CCDC3: variants seen among roughly 807,000 people sequenced by gnomAD.
CCDC3 encodes the protein coiled-coil domain-containing protein 3.
A neutral mutation model predicts 21.4 loss-of-function variants in CCDC3; 24 were observed. The ratio of observed to expected loss-of-function variants is 1.12; its 90% CI spans 0.81 to 1.58. The LOEUF (loss-of-function observed/expected upper bound fraction) is 1.58, where lower values mean the gene tolerates loss of function less well. CCDC3 is among the 40% of genes most tolerant of loss of function. The pLI, the probability that CCDC3 is intolerant of heterozygous loss-of-function variation, is 0.00. For synonymous variants in CCDC3, 186 were observed against 166.0 expected (o/e 1.12, Z -0.93); for missense variants, 425 against 360.9 (o/e 1.18, Z -1.44).
At chr10:13,024,014 T>C (rs907188600) in intron 5 of CCDC3, among the ~76,000 whole-genome samples, 5 of 152,174 alleles carry the variant, frequency 3.3e-5, no homozygotes, top group Admixed American at 2.0e-4. Flanking sequence ...TGTAGCTAGT[T>C]TACTGATGAT....
At chr10:13,098,709 G>GTTTTTTTTTTTTTT (rs1564348313) in intron 2 of CCDC3, 2 of 59,472 alleles carry the variant, frequency 3.4e-5, no homozygotes, top group Non-Finnish European at 6.0e-5. Flanking sequence ...TTCCTGCACT[G>GTTTTTTTTTTTTTT]ATTTTTTTTT....
chr10:13,089,703 T>G (rs1417856674), intron 3 of CCDC3, among the ~76,000 whole-genome samples: 2 of 151,986 alleles, frequency 1.3e-5, no homozygotes, highest in African/African-American at 4.8e-5. Flanking sequence ...TTTCCAAAGG[T>G]TATTGGGGAG....
intron 5 of CCDC3, among the ~76,000 whole-genome samples, chr10:13,043,010 G>A (rs1014785118): frequency 1.3e-5 from 2 of 151,678 alleles, no homozygotes; most frequent in African/African-American, 2.4e-5. Context: ...TACACAGAAA[G>A]GATATAACTT....
chr10:13,092,410 T>A (rs1294885423), intron 3 of CCDC3, among the ~76,000 whole-genome samples: 1 of 152,200 alleles, frequency 6.6e-6, no homozygotes, highest in Non-Finnish European at 1.5e-5. Context: ...CACTAACAGA[T>A]CTTCCTCTAG....
In CCDC3 at chr10:13,042,778, G is replaced by A. The variant is rs1000302976; in HGVS notation, c.-2+6896C>T. 7.3e-5 allele frequency among the ~76,000 whole-genome samples: 11 copies of A among 151,610 alleles called. No individual in the cohort carries two copies. The South Asian group carries it at 1.0e-3, about 14-fold the overall frequency. On this transcript the variant is annotated intron_variant, in intron 5 of 6. Coordinates refer to the CCDC3 transcript ENST00000378839. ...AAAAAAATTAGCCGGGTGTGGTGGC[G>A]GGCGCCTGTAGTCCCAGCTACCCGG...
At chr10:12,937,528 T>A (rs1400764163) in intron 2 of CCDC3, among the ~76,000 whole-genome samples, 1 of 152,120 alleles carries the variant, frequency 6.6e-6, no homozygotes, top group African/African-American at 2.4e-5. Flanking sequence ...AGGGGCGTGA[T>A]CATAGCTCAC....
chr10:12,955,424 T>C (rs1222662506), intron 2 of CCDC3, among the ~76,000 whole-genome samples: 1 of 152,204 alleles, frequency 6.6e-6, no homozygotes, highest in Non-Finnish European at 1.5e-5. Flanking sequence ...CTTAGGCAAA[T>C]TCAAGTCATT....
rs902913195 is a variant in CCDC3 at position 13,001,497 on chromosome 10, G to A, written c.74C>T (p.Pro25Leu). 3.0e-6 allele frequency: 4 copies of A among 1,340,996 alleles called. No individual in the cohort carries two copies. Among genetic ancestry groups the A allele is most frequent in the African/African-American group, 1.5e-5 (1 of 64,952 alleles). 83.1% of individuals were successfully genotyped at this position (1,340,996 alleles called of 1,614,324 possible). A position where few individuals can be genotyped will look rare whatever the true frequency, so the allele number is the denominator to read the frequency against. ...CTCGCTCAGGGGCCTCCACTCGGAG[G>A]GCAGCTGGCAGGCGCGCGCGGGCGC... ...PPAPARACQL[P>L]SEWRPLSEGC... Residue 25 changes from proline (P) to leucine (L), a missense_variant, in exon 1 of 3, where the codon CCC (proline) becomes CTC (leucine). Coordinates refer to ENST00000378825, the MANE Select transcript of CCDC3 (RefSeq NM_031455.4).
chr10:13,053,381 C>G (rs1358414427), intron 4 of CCDC3, among the ~76,000 whole-genome samples: 4 of 151,950 alleles, frequency 2.6e-5, no homozygotes, highest in African/African-American at 9.7e-5. Context: ...CCAGCCTGGG[C>G]AACATAGTGA....
At chr10:13,064,857 G>C (rs1256687126) in intron 4 of CCDC3, among the ~76,000 whole-genome samples, 1 of 152,010 alleles carries the variant, frequency 6.6e-6, no homozygotes, top group Non-Finnish European at 1.5e-5. Context: ...TAAGGAGAAG[G>C]CTTCTAGGTC....
chr10:13,096,760 G>T (rs921542863), intron 3 of CCDC3, among the ~76,000 whole-genome samples: 2 of 152,164 alleles, frequency 1.3e-5, no homozygotes, highest in African/African-American at 4.8e-5. Context: ...TGCATCCCAA[G>T]AGCTTGCTGT....
intron 2 of CCDC3, among the ~76,000 whole-genome samples, chr10:12,986,464 A>T (rs1350944177): frequency 6.6e-6 from 1 of 152,194 alleles, no homozygotes; most frequent in Non-Finnish European, 1.5e-5. Context: ...CCAAAATAAA[A>T]TGAATTTTTT....
intron 2 of CCDC3, among the ~76,000 whole-genome samples, chr10:12,936,109 C>G (rs938113342): frequency 6.6e-6 from 1 of 152,116 alleles, no homozygotes; most frequent in Non-Finnish European, 1.5e-5. Flanking sequence ...TATCAATTTT[C>G]CCCTCTCTGA....
At chr10:12,934,556 CAACTATGATAGTAAACTCATCT>C (rs1834704407) in intron 2 of CCDC3, among the ~76,000 whole-genome samples, 1 of 152,158 alleles carries the variant, frequency 6.6e-6, no homozygotes, top group African/African-American at 2.4e-5. Flanking sequence ...TTGATGTCTC[CAACTATGATAGTAAACTCATCT>C]ATTTTTCCTT....
At chr10:13,002,213 T>A (rs563899910), upstream of CCDC3, among the ~76,000 whole-genome samples, 2 of 152,310 alleles carry the variant, frequency 1.3e-5, no homozygotes, top group African/African-American at 4.8e-5. Context: ...AAGCAATCAT[T>A]TGGCCCTGAT....
intron 2 of CCDC3, chr10:13,098,709 G>GATTTTTTT (rs1832666425): frequency 1.7e-5 from 1 of 59,474 alleles, no homozygotes; most frequent in Non-Finnish European, 3.0e-5. Flanking sequence ...TTCCTGCACT[G>GATTTTTTT]ATTTTTTTTT....
chr10:13,092,992 T>A (rs1209403494), intron 3 of CCDC3, among the ~76,000 whole-genome samples: 1 of 150,964 alleles, frequency 6.6e-6, no homozygotes, highest in African/African-American at 2.4e-5. Flanking sequence ...AGGTGTATTG[T>A]GATCTAGTGG....
intron 2 of CCDC3, among the ~76,000 whole-genome samples, chr10:12,933,111 A>T (rs12264334): frequency 5.8e-4 from 88 of 151,924 alleles, no homozygotes; most frequent in African/African-American, 2.1e-3. Context: ...ATATGGGTCT[A>T]TTGTTTTCTT....
At chr10:13,050,547 G>A (rs770299953) in intron 4 of CCDC3, among the ~76,000 whole-genome samples, 23 of 134,398 alleles carry the variant, frequency 1.7e-4, no homozygotes, top group Admixed American at 2.6e-4. Context: ...TGCAACCTCC[G>A]CCTCCTGGGT....
Sources: allele counts gnomAD v4.1 joint callset (sites outside exome capture counted in the v4.1 genomes callset), GRCh38; gene constraint gnomAD v4.1.1; transcripts MANE v1.5; gene names NCBI Gene and HGNC (gene_info 2026-07-23, HGNC 2026-07-21).